Variants in MAF observed in about 807,000 individuals in gnomAD.
MAF encodes transcription factor Maf.
In MAF, 10 loss-of-function variants were observed where a neutral mutation model predicts 22.0. The observed-to-expected ratio is 0.45, with a 90% CI of 0.28 to 0.77. The LOEUF is 0.77. Among genes scored for constraint, MAF ranks in the 30% least tolerant of loss-of-function variants. The probability of loss-of-function intolerance (pLI) is 0.12; values close to 1 mark genes in which losing one functional copy is unlikely to be tolerated. For synonymous variants in MAF, 337 were observed against 255.8 expected (o/e 1.32, Z -3.03); for missense variants, 544 against 548.4 (o/e 0.99, Z 0.08).
At chr16:79,238,043 C>G in the MAF span, among the ~76,000 whole-genome samples, 3 of 152,102 alleles carry the variant, frequency 2.0e-5, no homozygotes, top group African/African-American at 7.2e-5. Context: ...TGCTCCCATT[C>G]AATTTCTCCT....
At chr16:79,328,713 G>C in the MAF span, among the ~76,000 whole-genome samples, 1 of 152,274 alleles carries the variant, frequency 6.6e-6, no homozygotes, top group South Asian at 2.1e-4. Flanking sequence ...AGTGAACCCA[G>C]GTAGCAGGGA....
At chr16:79,325,622 C>G in the MAF span, among the ~76,000 whole-genome samples, 1 of 149,344 alleles carries the variant, frequency 6.7e-6, no homozygotes, top group South Asian at 2.1e-4. Flanking sequence ...CACACACACA[C>G]ACACACAGAA....
chr16:79,208,938 C>G, the MAF span, among the ~76,000 whole-genome samples: 7 of 152,266 alleles, frequency 4.6e-5, no homozygotes, highest in African/African-American at 7.2e-5. Context: ...AGTGAGTACC[C>G]ATGAGCACCA....
chr16:79,460,109 T>C, the MAF span, among the ~76,000 whole-genome samples: 1 of 152,206 alleles, frequency 6.6e-6, no homozygotes, highest in Non-Finnish European at 1.5e-5. Flanking sequence ...ATTCTGTGAA[T>C]ACTAACACTT....
the MAF span, among the ~76,000 whole-genome samples, chr16:79,405,809 G>A: frequency 1.3e-5 from 2 of 152,078 alleles, no homozygotes; most frequent in African/African-American, 2.4e-5. Flanking sequence ...GGAGGTGCTC[G>A]CCTCATTTTG....
chr16:79,531,149 CT>C, the MAF span, among the ~76,000 whole-genome samples: 1 of 152,148 alleles, frequency 6.6e-6, no homozygotes, highest in Non-Finnish European at 1.5e-5. Flanking sequence ...CATTTTAATT[CT>C]GTTGCTAGAG....
the MAF span, among the ~76,000 whole-genome samples, chr16:79,381,011 T>A: frequency 6.6e-6 from 1 of 152,266 alleles, no homozygotes. Flanking sequence ...TAGAGCTGCA[T>A]CCTGGCAGTC....
At chr16:79,243,067 T>G in the MAF span, among the ~76,000 whole-genome samples, 2 of 151,960 alleles carry the variant, frequency 1.3e-5, no homozygotes, top group East Asian at 3.9e-4. Flanking sequence ...AGAGGGAAAT[T>G]TATAACCAGC....
the MAF span, among the ~76,000 whole-genome samples, chr16:79,567,332 T>C: frequency 6.7e-6 from 1 of 149,466 alleles, no homozygotes; most frequent in Admixed American, 6.7e-5. Context: ...AAAAAAAAAA[T>C]GCAAATATTA....
At chr16:79,478,782 C>G in the MAF span, among the ~76,000 whole-genome samples, 1 of 151,938 alleles carries the variant, frequency 6.6e-6, no homozygotes, top group African/African-American at 2.4e-5. Context: ...CCCAGCATAC[C>G]CGTATACCAT....
At chr16:79,494,913 G>A in the MAF span, among the ~76,000 whole-genome samples, 1 of 152,140 alleles carries the variant, frequency 6.6e-6, no homozygotes, top group Non-Finnish European at 1.5e-5. Flanking sequence ...AAAAGTCAGA[G>A]AAATATTTAT....
chr16:79,518,461 G>C, the MAF span, among the ~76,000 whole-genome samples: 1 of 152,194 alleles, frequency 6.6e-6, no homozygotes, highest in South Asian at 2.1e-4. Flanking sequence ...ACCACTGGTA[G>C]ATCTTCTCAC....
the MAF span, among the ~76,000 whole-genome samples, chr16:79,382,687 T>C: frequency 4.1e-4 from 63 of 152,342 alleles, no homozygotes; most frequent in African/African-American, 1.5e-3. Context: ...TAGTAACATG[T>C]CTGTAAGCTG....
At chr16:79,208,318 C>G in the MAF span, among the ~76,000 whole-genome samples, 1 of 152,102 alleles carries the variant, frequency 6.6e-6, no homozygotes, top group Non-Finnish European at 1.5e-5. Flanking sequence ...ATAGACACCT[C>G]CCCCGTTTCC....
the MAF span, among the ~76,000 whole-genome samples, chr16:79,256,744 T>C: frequency 1.3e-5 from 2 of 152,228 alleles, no homozygotes; most frequent in Admixed American, 1.3e-4. Context: ...AGATGCATGA[T>C]GCTAGGCAAC....
At chr16:79,369,089 G>T in the MAF span, among the ~76,000 whole-genome samples, 6 of 152,164 alleles carry the variant, frequency 3.9e-5, no homozygotes, top group Non-Finnish European at 7.3e-5. Context: ...AATGTTTGTT[G>T]AATAAATTAA....
chr16:79,593,417 C>G (rs971748293), downstream of MAF, among the ~76,000 whole-genome samples: 23 of 152,080 alleles, frequency 1.5e-4, no homozygotes, highest in African/African-American at 5.1e-4. Context: ...AGCAGGAAAA[C>G]TGGCAGTGTG....
chr16:79,259,564 T>A, the MAF span, among the ~76,000 whole-genome samples: 1 of 152,168 alleles, frequency 6.6e-6, no homozygotes, highest in Non-Finnish European at 1.5e-5. Flanking sequence ...GCAGGGCACG[T>A]AGTAGGTGCT....
the MAF span, among the ~76,000 whole-genome samples, chr16:79,371,233 T>G: frequency 6.6e-6 from 1 of 152,120 alleles, no homozygotes; most frequent in Non-Finnish European, 1.5e-5. Context: ...GTAGTTGGCC[T>G]TCTTACACAG....
Sources: allele counts gnomAD v4.1 joint callset (sites outside exome capture counted in the v4.1 genomes callset), GRCh38; gene constraint gnomAD v4.1.1; transcripts MANE v1.5; gene names NCBI Gene and HGNC (gene_info 2026-07-23, HGNC 2026-07-21).